ASTN2: variants seen among roughly 807,000 people sequenced by gnomAD.
The protein encoded by ASTN2 is astrotactin-2.
Under a neutral mutation model 139.8 loss-of-function variants are expected in ASTN2, and 54 were observed. That is an observed-to-expected ratio of 0.39 (90% CI 0.31 to 0.48). ASTN2 has a LOEUF of 0.48. Ranked by LOEUF, ASTN2 falls within the 20% of genes least tolerant of loss-of-function variation. ASTN2 has a pLI of 0.95. For synonymous variants in ASTN2, 756 were observed against 719.5 expected (o/e 1.05, Z -0.81); for missense variants, 1,565 against 1,725.1 (o/e 0.91, Z 1.64).
intron 5 of ASTN2, among the ~76,000 whole-genome samples, chr9:117,075,919 A>G (rs1828269139): frequency 6.6e-6 from 1 of 152,158 alleles, no homozygotes; most frequent in African/African-American, 2.4e-5. Context: ...ACCTGTATTA[A>G]GAAGAGAGGT....
Position 117,241,931 on chromosome 9 carries a change from C to A in ASTN2, c.631-27189G>T, listed in dbSNP as rs548718367. ...GAGTAGAACGTGCAAGTTACCCCCCCCCACACACACACACACCACACACCC... is the reference window on the plus strand; with the variant it reads ...GAGTAGAACGTGCAAGTTACCCCCCACCACACACACACACACCACACACCC... On this transcript the variant is annotated intron_variant, in intron 2 of 22. Transcript: ENST00000313400. 5.3e-3 allele frequency among the ~76,000 whole-genome samples: 798 copies of A among 149,972 alleles called. 13 individuals carry two copies. The highest frequency in any genetic ancestry group is 0.019 in the African/African-American group (767 of 40,064).
At chr9:116,560,069 T>C (rs1852828802) in intron 19 of ASTN2, among the ~76,000 whole-genome samples, 1 of 152,208 alleles carries the variant, frequency 6.6e-6, no homozygotes, top group African/African-American at 2.4e-5. Context: ...TTTGTAACTA[T>C]TGTACTATAC....
chr9:116,666,620 ATTTC>A (rs1446871575), intron 16 of ASTN2, among the ~76,000 whole-genome samples: 2 of 152,114 alleles, frequency 1.3e-5, no homozygotes, highest in Non-Finnish European at 2.9e-5. Flanking sequence ...TATTGACATA[ATTTC>A]TTTCTTTTAT....
Position 116,671,867 on chromosome 9 carries a change from A to G in ASTN2, c.2807-20074T>C, listed in dbSNP as rs983446621. On this transcript the variant is annotated intron_variant, in intron 16 of 22. Coordinates refer to ENST00000313400, the MANE Select transcript of ASTN2 (RefSeq NM_001365068.1). ...TGGCTACTTCCCCATTTCAGCCTTC[A>G]GATGAGACCACAGCTTCTGCCATTA... Among the ~76,000 whole-genome samples the G allele has an allele frequency of 2.0e-5, 3 of 152,186 alleles. No individual in the cohort carries two copies. The East Asian group carries it at 5.8e-4, about 29-fold the overall frequency.
intron 12 of ASTN2, among the ~76,000 whole-genome samples, chr9:116,808,126 A>G (rs1030486252): frequency 1.3e-5 from 2 of 152,124 alleles, no homozygotes; most frequent in African/African-American, 2.4e-5. Flanking sequence ...AAACAAAACA[A>G]AACAAAACAA....
intron 6 of ASTN2, among the ~76,000 whole-genome samples, chr9:117,037,142 C>T (rs1371724555): frequency 6.6e-6 from 1 of 152,002 alleles, no homozygotes; most frequent in African/African-American, 2.4e-5. Flanking sequence ...TAATATTTCT[C>T]CCCAAAGACA....
intron 19 of ASTN2, among the ~76,000 whole-genome samples, chr9:116,595,885 TAAA>T (rs1854551052): frequency 6.6e-6 from 1 of 152,018 alleles, no homozygotes; most frequent in South Asian, 2.1e-4. Context: ...CTGAAAAAAT[TAAA>T]AATAGAACTG....
intron 22 of ASTN2, among the ~76,000 whole-genome samples, chr9:116,427,867 C>G (rs1192672259): frequency 7.9e-5 from 12 of 152,242 alleles, no homozygotes; most frequent in Admixed American, 7.9e-4. Flanking sequence ...AGTTTCTTTT[C>G]CATTCCTTCT....
intron 19 of ASTN2, among the ~76,000 whole-genome samples, chr9:116,501,434 A>G (rs1471175553): frequency 1.3e-5 from 2 of 152,150 alleles, no homozygotes; most frequent in Non-Finnish European, 1.5e-5. Context: ...ATACGTGTGC[A>G]TGTGTCTTTA....
chr9:116,574,076 T>G (rs947976873), intron 19 of ASTN2, among the ~76,000 whole-genome samples: 1 of 152,174 alleles, frequency 6.6e-6, no homozygotes, highest in Non-Finnish European at 1.5e-5. Flanking sequence ...CTTTGAAGGA[T>G]AGAGGAAGCT....
At chr9:117,041,028 G>A (rs1220896800) in intron 5 of ASTN2, among the ~76,000 whole-genome samples, 2 of 152,134 alleles carry the variant, frequency 1.3e-5, no homozygotes, top group Admixed American at 6.6e-5. Flanking sequence ...ATTGTGTTAC[G>A]ACCTAGAAGA....
At chr9:116,612,878 T>C (rs1268871285) in intron 19 of ASTN2, 1 of 138,028 alleles carries the variant, frequency 7.2e-6, no homozygotes, top group Non-Finnish European at 1.5e-5. Flanking sequence ...AGAGCAGAAC[T>C]GAAGGAGATA....
chr9:116,909,902 C>T (rs1011830600), intron 10 of ASTN2, among the ~76,000 whole-genome samples: 3 of 152,230 alleles, frequency 2.0e-5, no homozygotes, highest in African/African-American at 7.2e-5. Context: ...GGAACATCAA[C>T]GACGAGATTT....
intron 10 of ASTN2, among the ~76,000 whole-genome samples, chr9:116,962,913 T>G (rs1835910415): frequency 6.6e-6 from 1 of 152,160 alleles, no homozygotes; most frequent in African/African-American, 2.4e-5. Context: ...CAAAACATCT[T>G]CGTGAACATA....
chr9:116,754,955 G>A (rs1372851681), intron 13 of ASTN2, among the ~76,000 whole-genome samples: 1 of 152,120 alleles, frequency 6.6e-6, no homozygotes, highest in East Asian at 1.9e-4. Context: ...GCATGTCAGA[G>A]TAGAACCTGG....
intron 5 of ASTN2, among the ~76,000 whole-genome samples, chr9:117,064,650 A>G (rs1827876560): frequency 6.6e-6 from 1 of 152,202 alleles, no homozygotes; most frequent in Non-Finnish European, 1.5e-5. Flanking sequence ...GGAGACTCCA[A>G]AAAGTAGGAG....
chr9:116,587,271 G>C (rs1854195994), intron 19 of ASTN2, among the ~76,000 whole-genome samples: 1 of 150,696 alleles, frequency 6.6e-6, no homozygotes, highest in Non-Finnish European at 1.5e-5. Context: ...AACCCAGGAG[G>C]AGGAGGTTGT....
chr9:117,361,051 A>T (rs747474141), intron 1 of ASTN2, among the ~76,000 whole-genome samples: 3 of 152,046 alleles, frequency 2.0e-5, no homozygotes, highest in Non-Finnish European at 4.4e-5. Flanking sequence ...TCTCAGGGGG[A>T]TTGAGACAAA....
At chr9:117,273,956 C>A (rs950330728) in intron 2 of ASTN2, among the ~76,000 whole-genome samples, 1 of 152,214 alleles carries the variant, frequency 6.6e-6, no homozygotes, top group Non-Finnish European at 1.5e-5. Flanking sequence ...ATATCTTCAC[C>A]TTCTGAGGAG....
Sources: allele counts gnomAD v4.1 joint callset (sites outside exome capture counted in the v4.1 genomes callset), GRCh38; gene constraint gnomAD v4.1.1; transcripts MANE v1.5; gene names NCBI Gene and HGNC (gene_info 2026-07-23, HGNC 2026-07-21).